The following TBCA variants were observed in gnomAD, a reference collection of about 807,000 sequenced individuals.
TBCA encodes tubulin-specific chaperone A.
In TBCA, 6 loss-of-function variants were observed where a neutral mutation model predicts 15.8. The ratio of observed to expected loss-of-function variants is 0.38; its 90% CI spans 0.21 to 0.75. The LOEUF is 0.75. Ranked by LOEUF, TBCA falls within the 30% of genes least tolerant of loss-of-function variation. The probability of loss-of-function intolerance (pLI) is 0.46; values close to 1 mark genes in which losing one functional copy is unlikely to be tolerated. For missense variants in TBCA, 90 were observed against 131.2 expected (o/e 0.69, Z 1.53); for synonymous variants, 32 against 42.3 (o/e 0.76, Z 0.94).
intron 1 of TBCA, among the ~76,000 whole-genome samples, chr5:77,740,229 C>T (rs772311468): frequency 1.3e-5 from 2 of 152,160 alleles, no homozygotes; most frequent in Admixed American, 6.5e-5. Flanking sequence ...TAGGTTATAA[C>T]CTTATAAAGT....
intron 1 of TBCA, among the ~76,000 whole-genome samples, chr5:77,747,043 T>A (rs1747202265): frequency 6.6e-6 from 1 of 152,152 alleles, no homozygotes; most frequent in Admixed American, 6.5e-5. Flanking sequence ...AAATTTAAGC[T>A]ATTATACTCT....
chr5:77,695,397 C>A (rs527820968), intron 2 of TBCA, among the ~76,000 whole-genome samples: 1 of 152,106 alleles, frequency 6.6e-6, no homozygotes, highest in Non-Finnish European at 1.5e-5. Flanking sequence ...AAGAAAAGGT[C>A]TCTGTCCTCC....
At chr5:77,760,276 C>T (rs1265331920) in intron 1 of TBCA, among the ~76,000 whole-genome samples, 1 of 152,134 alleles carries the variant, frequency 6.6e-6, no homozygotes, top group African/African-American at 2.4e-5. Flanking sequence ...AAATCCCTAG[C>T]CAGTTTATGT....
chr5:77,773,691 C>T (rs1481254223), intron 1 of TBCA, among the ~76,000 whole-genome samples: 1 of 152,164 alleles, frequency 6.6e-6, no homozygotes, highest in Non-Finnish European at 1.5e-5. Flanking sequence ...GGATGCTGTG[C>T]TAAAACTCAG....
intron 1 of TBCA, among the ~76,000 whole-genome samples, chr5:77,726,299 G>A (rs1172030816): frequency 6.6e-6 from 1 of 152,214 alleles, no homozygotes; most frequent in African/African-American, 2.4e-5. Flanking sequence ...TAGTAAATGT[G>A]CACCCAGCAC....
At chr5:77,696,584 AAAAT>A (rs538204211) in intron 2 of TBCA, among the ~76,000 whole-genome samples, 8 of 152,344 alleles carry the variant, frequency 5.3e-5, no homozygotes, top group South Asian at 2.1e-4. Flanking sequence ...AATGAAATAA[AAAAT>A]AAAAGGATGG....
rs996076740 is a variant in TBCA at position 77,752,521 on chromosome 5, G to A, written c.53+23684C>T. 8.6e-5 allele frequency among the ~76,000 whole-genome samples: 13 copies of A among 151,176 alleles called. 1 individual carries two copies. The highest frequency in any genetic ancestry group is 1.5e-4 in the Non-Finnish European group (10 of 67,898). ...TGGGATTACAGGCACATGCCACCAT[G>A]TCCGGCTTATTTTTGTTTTGTTTTG... On this transcript the variant is annotated intron_variant, in intron 1 of 3. Transcript: ENST00000380377.
At chr5:77,749,257 C>T (rs985344378) in intron 1 of TBCA, among the ~76,000 whole-genome samples, 2 of 152,194 alleles carry the variant, frequency 1.3e-5, no homozygotes, top group South Asian at 2.1e-4. Flanking sequence ...GAGTGAGTCA[C>T]AACAGCAACA....
chr5:77,774,166 C>T (rs544626656), intron 1 of TBCA, among the ~76,000 whole-genome samples: 1 of 152,280 alleles, frequency 6.6e-6, no homozygotes, highest in African/African-American at 2.4e-5. Context: ...AACAATAAGA[C>T]ACCAAATTCC....
At chr5:77,721,549 G>A (rs1054859109) in intron 1 of TBCA, among the ~76,000 whole-genome samples, 4 of 151,980 alleles carry the variant, frequency 2.6e-5, no homozygotes, top group African/African-American at 7.2e-5. Flanking sequence ...GATGGTATAC[G>A]TATACACTGA....
intron 3 of TBCA, chr5:77,692,816 C>A: frequency 9.4e-7 from 1 of 1,059,648 alleles, no homozygotes; most frequent in Non-Finnish European, 1.1e-6. Context: ...CATAGATTAC[C>A]AGGTTTTTTC....
intron 2 of TBCA, among the ~76,000 whole-genome samples, chr5:77,702,021 C>A (rs952722606): frequency 6.6e-5 from 10 of 151,790 alleles, no homozygotes; most frequent in African/African-American, 2.4e-4. Context: ...ACACAATAGA[C>A]CTTGGGGACT....
chr5:77,732,225 C>T (rs1419761597), intron 1 of TBCA, among the ~76,000 whole-genome samples: 2 of 152,254 alleles, frequency 1.3e-5, no homozygotes, highest in Non-Finnish European at 1.5e-5. Flanking sequence ...TTTAGAATTT[C>T]TCTCAATCTT....
intron 1 of TBCA, among the ~76,000 whole-genome samples, chr5:77,713,874 T>C (rs750018868): frequency 6.6e-5 from 10 of 151,018 alleles, no homozygotes; most frequent in East Asian, 3.9e-4. Flanking sequence ...ACAGGAGTTA[T>C]AGACAGAACA....
chr5:77,737,068 C>CGAA (rs1746926522), intron 1 of TBCA, among the ~76,000 whole-genome samples: 1 of 152,070 alleles, frequency 6.6e-6, no homozygotes, highest in South Asian at 2.1e-4. Flanking sequence ...TTCTAAAGGA[C>CGAA]GATAGAGCTT....
intron 1 of TBCA, among the ~76,000 whole-genome samples, chr5:77,711,858 G>C (rs1243972463): frequency 6.6e-6 from 1 of 152,012 alleles, no homozygotes; most frequent in Non-Finnish European, 1.5e-5. Flanking sequence ...CTGCGTATTT[G>C]CATGGTTATT....
chr5:77,740,317 T>C (rs190393332), intron 1 of TBCA, among the ~76,000 whole-genome samples: 17 of 152,288 alleles, frequency 1.1e-4, no homozygotes, highest in Admixed American at 5.9e-4. Flanking sequence ...TAAAGATCAC[T>C]ACAGCTGCAA....
chr5:77,759,801 TG>T (rs1747563050), intron 1 of TBCA, among the ~76,000 whole-genome samples: 1 of 152,230 alleles, frequency 6.6e-6, no homozygotes, highest in Non-Finnish European at 1.5e-5. Context: ...CAGAATACTA[TG>T]TATACTTTGT....
At chr5:77,725,074 C>A (rs1477942660) in intron 1 of TBCA, among the ~76,000 whole-genome samples, 2 of 149,774 alleles carry the variant, frequency 1.3e-5, no homozygotes, top group African/African-American at 4.9e-5. Flanking sequence ...CCTGAGACGG[C>A]TTTTTTATTT....
Sources: allele counts gnomAD v4.1 joint callset (sites outside exome capture counted in the v4.1 genomes callset), GRCh38; gene constraint gnomAD v4.1.1; transcripts MANE v1.5; gene names NCBI Gene and HGNC (gene_info 2026-07-23, HGNC 2026-07-21).